CORO2B: variants seen among roughly 807,000 people sequenced by gnomAD.
CORO2B encodes coronin 2B.
Under a neutral mutation model 58.8 loss-of-function variants are expected in CORO2B, and 26 were observed. That is an observed-to-expected ratio of 0.44 (90% confidence interval 0.32 to 0.61). The LOEUF (loss-of-function observed/expected upper bound fraction) is 0.61. Among genes scored for constraint, CORO2B ranks in the 20% least tolerant of loss-of-function variants. The pLI, the probability that CORO2B is intolerant of heterozygous loss-of-function variation, is 0.04. For synonymous variants in CORO2B, 242 were observed against 253.8 expected (o/e 0.95, Z 0.44); for missense variants, 460 against 645.1 (o/e 0.71, Z 3.11).
chr15:68,692,337 G>A (rs903863083), intron 2 of CORO2B, among the ~76,000 whole-genome samples: 8 of 151,936 alleles, frequency 5.3e-5, no homozygotes, highest in Admixed American at 4.6e-4. Flanking sequence ...AATGGCACAC[G>A]GCTTTGGAAG....
At chr15:68,545,607 G>C in the CORO2B span, among the ~76,000 whole-genome samples, 1 of 124,300 alleles carries the variant, frequency 8.0e-6, no homozygotes, top group African/African-American at 3.0e-5. Flanking sequence ...CAGGAATGCG[G>C]GGGGCGGGGG....
At chr15:68,646,355 A>C (rs1320783907) in intron 2 of CORO2B, among the ~76,000 whole-genome samples, 1 of 151,430 alleles carries the variant, frequency 6.6e-6, no homozygotes, top group Non-Finnish European at 1.5e-5. Flanking sequence ...ACTCATCCCC[A>C]CTCCCACCCT....
At chr15:68,602,751 T>G (rs1447979884) in intron 1 of CORO2B, among the ~76,000 whole-genome samples, 1 of 152,138 alleles carries the variant, frequency 6.6e-6, no homozygotes, top group East Asian at 1.9e-4. Flanking sequence ...TGAAGGAGGT[T>G]CTGTGCAATG....
chr15:68,686,020 G>GTTTTT (rs56168498), intron 2 of CORO2B, among the ~76,000 whole-genome samples: 3 of 103,330 alleles, frequency 2.9e-5, no homozygotes, highest in African/African-American at 6.8e-5. Flanking sequence ...TCCTACTTCT[G>GTTTTT]TTTTTTTTTT....
At chr15:68,695,677 G>C (rs1892494105) in intron 3 of CORO2B, among the ~76,000 whole-genome samples, 1 of 152,130 alleles carries the variant, frequency 6.6e-6, no homozygotes, top group Non-Finnish European at 1.5e-5. Flanking sequence ...TGTACCATCT[G>C]GTTTGTCCTC....
In CORO2B at chr15:68,661,480, G is replaced by A. The variant is rs561801472; in HGVS notation, c.216+16120G>A. Among the ~76,000 whole-genome samples, 12 of 152,282 alleles carry A rather than the reference G, an allele frequency of 7.9e-5. No homozygotes were observed. In the South Asian group the frequency reaches 2.5e-3, roughly 32 times the overall value. ...CAGAAAAAGTGTTCTGGTTATCCAG[G>A]CCTTCTTGTACAAAGACTACCAGCT... is the stretch of plus-strand genomic sequence containing the variant. On this transcript the variant is annotated intron_variant, in intron 2 of 11. Transcript: ENST00000261861.
At chr15:68,590,560 T>C (rs1899679074) in intron 1 of CORO2B, among the ~76,000 whole-genome samples, 1 of 152,104 alleles carries the variant, frequency 6.6e-6, no homozygotes, top group Non-Finnish European at 1.5e-5. Flanking sequence ...GGCCTGGCAG[T>C]GGATGGCTGA....
chr15:68,709,459 G>GTTTTTTTTTTTTTTTTTTTTTTTTT (rs57604810), intron 3 of CORO2B, among the ~76,000 whole-genome samples: 1 of 99,078 alleles, frequency 1.0e-5, no homozygotes, highest in Non-Finnish European at 2.1e-5. Context: ...TTTTTTTCGT[G>GTTTTTTTTTTTTTTTTTTTTTTTTT]TTTTTTTTTT....
the CORO2B span, among the ~76,000 whole-genome samples, chr15:68,519,182 G>A: frequency 6.6e-5 from 10 of 152,188 alleles, no homozygotes; most frequent in Non-Finnish European, 1.5e-5. Flanking sequence ...GGAAACCCAA[G>A]CCCAGTAGCC....
chr15:68,607,531 CT>C (rs977563749), intron 1 of CORO2B, among the ~76,000 whole-genome samples: 1 of 152,004 alleles, frequency 6.6e-6, no homozygotes, highest in Admixed American at 6.6e-5. Flanking sequence ...TAAAGAGCTT[CT>C]TTGGGCCAGG....
intron 3 of CORO2B, among the ~76,000 whole-genome samples, chr15:68,698,949 G>A (rs1183236200): frequency 2.0e-5 from 3 of 152,204 alleles, no homozygotes; most frequent in African/African-American, 7.2e-5. Context: ...TGCACACAGA[G>A]AAGAGAGAGA....
At chr15:68,548,437 A>T in the CORO2B span, among the ~76,000 whole-genome samples, 1 of 152,140 alleles carries the variant, frequency 6.6e-6, no homozygotes, top group Non-Finnish European at 1.5e-5. Context: ...CACTCCCGCC[A>T]TGACTGATTT....
At chr15:68,683,423 C>T (rs924570923) in intron 2 of CORO2B, among the ~76,000 whole-genome samples, 22 of 152,210 alleles carry the variant, frequency 1.4e-4, no homozygotes, top group Non-Finnish European at 2.8e-4. Flanking sequence ...ATGACAGCCT[C>T]GAGATGGTGC....
intron 1 of CORO2B, among the ~76,000 whole-genome samples, chr15:68,625,651 C>T (rs1900656630): frequency 6.6e-6 from 1 of 152,022 alleles, no homozygotes; most frequent in Non-Finnish European, 1.5e-5. Context: ...GTCTCCCAGG[C>T]TAGAGTGCAG....
chr15:68,722,211 G>A (rs1192491614), intron 11 of CORO2B, among the ~76,000 whole-genome samples: 1 of 152,238 alleles, frequency 6.6e-6, no homozygotes, highest in African/African-American at 2.4e-5. Flanking sequence ...ATATTTCGCT[G>A]TAGACTTGCC....
At chr15:68,637,073 A>G (rs1901053754) in intron 1 of CORO2B, among the ~76,000 whole-genome samples, 1 of 152,154 alleles carries the variant, frequency 6.6e-6, no homozygotes, top group South Asian at 2.1e-4. Flanking sequence ...AAGAGCAGAT[A>G]CTCCCAAATG....
chr15:68,610,025 A>G (rs1900212036), intron 1 of CORO2B, among the ~76,000 whole-genome samples: 1 of 152,102 alleles, frequency 6.6e-6, no homozygotes, highest in South Asian at 2.1e-4. Context: ...CTGGCCAGAA[A>G]CTCAGGCATA....
At chr15:68,650,702 A>C (rs937970716) in intron 2 of CORO2B, among the ~76,000 whole-genome samples, 6 of 152,220 alleles carry the variant, frequency 3.9e-5, no homozygotes, top group Non-Finnish European at 8.8e-5. Context: ...TATTGGGACC[A>C]TGAGTGCTCT....
At chr15:68,605,711 GTTTTTTTTTT>G (rs35340917) in intron 1 of CORO2B, among the ~76,000 whole-genome samples, 3,197 of 98,980 alleles carry the variant, frequency 0.032, 59 homozygotes, top group Non-Finnish European at 0.049. Flanking sequence ...GGGCTCTTGG[GTTTTTTTTTT>G]TTTTTTTTTT....
Sources: allele counts gnomAD v4.1 joint callset (sites outside exome capture counted in the v4.1 genomes callset), GRCh38; gene constraint gnomAD v4.1.1; transcripts MANE v1.5; gene names NCBI Gene and HGNC (gene_info 2026-07-23, HGNC 2026-07-21).